Variants in RGSL1 observed in about 807,000 individuals in gnomAD.
RGSL1 encodes regulator of G protein signaling protein-like.
In RGSL1, 97 loss-of-function variants were observed where a neutral mutation model predicts 124.7. The ratio of observed to expected loss-of-function variants is 0.78; its 90% CI spans 0.66 to 0.92. The LOEUF is 0.92. Among genes scored for constraint, RGSL1 ranks in the 40% least tolerant of loss-of-function variants. The pLI, the probability that RGSL1 is intolerant of heterozygous loss-of-function variation, is 0.00. For missense variants in RGSL1, 1,233 were observed against 1,288.4 expected (o/e 0.96, Z 0.66); for synonymous variants, 424 against 438.1 (o/e 0.97, Z 0.40).
chr1:182,485,918 G>A lies in RGSL1; in HGVS notation c.1432-2367G>A, dbSNP rs573405695. Among the ~76,000 whole-genome samples the A allele has an allele frequency of 2.0e-4, 30 of 152,284 alleles. No homozygotes were observed. In the South Asian group the frequency reaches 2.9e-3, roughly 15 times the overall value. On this transcript the variant is annotated intron_variant, in intron 6 of 21. Transcript: ENST00000294854. ...GTTTTATTGCAACAAAACTGTGCCC[G>A]TTTGTTTACATACTACCATGTCCTA... is the stretch of plus-strand genomic sequence containing the variant.
intron 4 of RGSL1, 95 bp downstream of exon 4, chr1:182,460,228 A>ATGTGTGTG: frequency 7.4e-7 from 1 of 1,353,748 alleles, no homozygotes; most frequent in Non-Finnish European, 9.7e-7. Flanking sequence ...TTATGCCTGT[A>ATGTGTGTG]TGTGTGTGTG....
Position 182,503,520 on chromosome 1 carries a change from A to T in RGSL1, c.1825+10391A>T, listed in dbSNP as rs533807585. 1.8e-3 allele frequency among the ~76,000 whole-genome samples: 263 copies of T among 145,300 alleles called. 1 individual carries two copies. Among genetic ancestry groups the T allele is most frequent in the Admixed American group, 4.1e-3 (58 of 14,194 alleles). On this transcript the variant is annotated intron_variant, in intron 9 of 21. Transcript: ENST00000294854. Reference sequence around the variant, plus strand: ...TCTCACATATTTGTGGGATCTAAAAATCAAAACAATTGAACCCATGGAGAA... The same window carrying T: ...TCTCACATATTTGTGGGATCTAAAATTCAAAACAATTGAACCCATGGAGAA...
At chr1:182,553,386 A>T in intron 18 of RGSL1, 69 bp from the exon 19 acceptor site, 1 of 1,165,474 alleles carries the variant, frequency 8.6e-7, no homozygotes, top group Non-Finnish European at 1.3e-6. Flanking sequence ...TTTATTGCTT[A>T]CTTAGAGAGA....
chr1:182,552,927 T>C (rs181465265), intron 18 of RGSL1, among the ~76,000 whole-genome samples: 1 of 152,242 alleles, frequency 6.6e-6, no homozygotes, highest in African/African-American at 2.4e-5. Context: ...AGATGGAGTT[T>C]TGCTCTTGCT....
intron 4 of RGSL1, chr1:182,471,357 G>A (rs377084772): frequency 1.7e-5 from 8 of 457,512 alleles, no homozygotes; most frequent in South Asian, 7.7e-5. Context: ...GGGATGTGGC[G>A]CTTCTATTCC....
In RGSL1 at chr1:182,488,302, T is replaced by C; in HGVS notation, c.1449T>C (p.Tyr483=). 1.3e-6 allele frequency: 2 copies of C among 1,552,314 alleles called. No individual in the cohort carries two copies. Among genetic ancestry groups the C allele is most frequent in the Non-Finnish European group, 1.7e-6 (2 of 1,147,120 alleles). The change falls in exon 7 of 22, where the codon TAT becomes TAC. Residue 483 remains tyrosine (Y), a synonymous_variant. Transcript: ENST00000294854. ...GTTTTCAGATGCTCAGTCCCTGGTA[T>C]GATGAGTTTCTAGATGAAGAGGACT... ...KEICKMLSPW[Y]DEFLDEEDYW...
At chr1:182,502,465 A>T (rs1558321704) in intron 9 of RGSL1, among the ~76,000 whole-genome samples, 2 of 152,182 alleles carry the variant, frequency 1.3e-5, no homozygotes, top group Admixed American at 1.3e-4. Context: ...AGTCCCAGCT[A>T]CTTGTGAGGC....
At chr1:182,527,505 C>T in intron 10 of RGSL1, 74 bp from the exon 11 acceptor site, 1 of 1,298,208 alleles carries the variant, frequency 7.7e-7, no homozygotes, top group Non-Finnish European at 1.1e-6. Context: ...ATGCACTTCC[C>T]CATTTCCTAA....
intron 15 of RGSL1, among the ~76,000 whole-genome samples, chr1:182,541,366 C>T (rs1191676145): frequency 6.6e-6 from 1 of 152,156 alleles, no homozygotes; most frequent in African/African-American, 2.4e-5. Flanking sequence ...AACATAATCA[C>T]CTACAGCTCC....
chr1:182,476,911 C>T lies in RGSL1; in HGVS notation c.1431+2369C>T, dbSNP rs191952497. Among the ~76,000 whole-genome samples, 35 of 152,272 alleles carry T rather than the reference C, an allele frequency of 2.3e-4. No homozygotes were observed. The East Asian group carries it at 6.0e-3, about 26-fold the overall frequency. On this transcript the variant is annotated intron_variant, in intron 6 of 21. Transcript: ENST00000294854. ...CTCCCTCAGGTCTCCATTAAAGAGT[C>T]ACCTTTTCAGTGAGGACTTCCTTGG...
At chr1:182,528,847 A>C (rs1215639729) in intron 11 of RGSL1, among the ~76,000 whole-genome samples, 5 of 152,236 alleles carry the variant, frequency 3.3e-5, no homozygotes, top group Non-Finnish European at 5.9e-5. Flanking sequence ...GGTTTAATTG[A>C]CGCACAGTTC....
At chr1:182,460,279 CT>C in intron 4 of RGSL1, 146 bp downstream of exon 4, 1 of 1,174,738 alleles carries the variant, frequency 8.5e-7, no homozygotes, top group Non-Finnish European at 1.2e-6. Flanking sequence ...TCATAATGAT[CT>C]TATGCCTGTC....
At chr1:182,536,574 C>A (rs567491955) in intron 14 of RGSL1, among the ~76,000 whole-genome samples, 1 of 152,244 alleles carries the variant, frequency 6.6e-6, no homozygotes, top group African/African-American at 2.4e-5. Flanking sequence ...TGTTCATGTG[C>A]TTGCTTGACA....
At chr1:182,544,207 ATTTG>A (rs1269771982) in intron 15 of RGSL1, among the ~76,000 whole-genome samples, 1 of 151,860 alleles carries the variant, frequency 6.6e-6, no homozygotes, top group African/African-American at 2.4e-5. Context: ...TTCCATCTTC[ATTTG>A]TTTCAAGGAA....
chr1:182,454,145 T>A (rs1357666424), intron 2 of RGSL1, 105 bp downstream of exon 2: 1 of 686,158 alleles, frequency 1.5e-6, no homozygotes, highest in Non-Finnish European at 2.5e-6. Context: ...TTTGGGGTTT[T>A]ACTAAATGTC....
chr1:182,532,858 A>T (rs1659278786), intron 14 of RGSL1, 67 bp downstream of exon 14: 1 of 1,483,092 alleles, frequency 6.7e-7, no homozygotes. Flanking sequence ...AGCCCACATA[A>T]GAAGCTTATT....
intron 21 of RGSL1, among the ~76,000 whole-genome samples, chr1:182,559,876 C>G (rs1478691497): frequency 6.6e-6 from 1 of 152,166 alleles, no homozygotes; most frequent in Admixed American, 6.5e-5. Flanking sequence ...TTTTTCCTCT[C>G]CTTGAGATAC....
chr1:182,477,883 G>A (rs267902), intron 6 of RGSL1, among the ~76,000 whole-genome samples: 11,933 of 152,190 alleles, frequency 0.078, 647 homozygotes, highest in East Asian at 0.25. Context: ...CCTCCGTCAA[G>A]CGTACACACA....
intron 21 of RGSL1, among the ~76,000 whole-genome samples, chr1:182,557,619 C>T (rs1386260145): frequency 2.0e-5 from 3 of 152,198 alleles, no homozygotes; most frequent in Non-Finnish European, 4.4e-5. Context: ...TCTATTTGAA[C>T]TTAGATCTTT....
Sources: gnomAD v4.1 joint callset for allele counts (sites outside exome capture counted in the v4.1 genomes callset) on GRCh38, gnomAD v4.1.1 for gene constraint, MANE v1.5 for transcripts, NCBI Gene and HGNC (gene_info 2026-07-23, HGNC 2026-07-21) for gene names.